SFXN5: variants seen among roughly 807,000 people sequenced by gnomAD.
SFXN5 encodes the protein sideroflexin-5.
SFXN5 carries 43 observed loss-of-function variants against 50.2 expected under a neutral mutation model. The observed-to-expected ratio is 0.86, with a 90% CI of 0.67 to 1.11. The LOEUF (loss-of-function observed/expected upper bound fraction) is 1.11. SFXN5 is among the 50% of genes least tolerant of loss of function. The probability of loss-of-function intolerance (pLI) is 0.00; values close to 1 mark genes in which losing one functional copy is unlikely to be tolerated. For synonymous variants in SFXN5, 203 were observed against 185.8 expected, an observed-to-expected ratio of 1.09 and a Z score of -0.75; for missense variants, 463 against 454.1, an observed-to-expected ratio of 1.02 and a Z score of -0.18.
At chr2:73,049,063 T>C (rs1051834890) in intron 2 of SFXN5, 1 of 152,246 alleles carries the variant, frequency 6.6e-6, no homozygotes, top group Non-Finnish European at 1.5e-5. Context: ...AGTATTACTA[T>C]GTTATCTTAC....
intron 5 of SFXN5, among the ~76,000 whole-genome samples, 162 bp downstream of exon 5, chr2:73,022,360 G>A (rs759012537): frequency 9.2e-5 from 14 of 152,160 alleles, no homozygotes; most frequent in African/African-American, 2.2e-4. Flanking sequence ...CCTGGCCAGC[G>A]CCTTGTACAG....
At chr2:73,032,014 C>T (rs1678366461) in intron 3 of SFXN5, among the ~76,000 whole-genome samples, 2 of 152,160 alleles carry the variant, frequency 1.3e-5, no homozygotes, top group South Asian at 4.1e-4. Flanking sequence ...AGGCTTTTCC[C>T]TAGGACCTGC....
intron 11 of SFXN5, 26 bp downstream of exon 11, chr2:72,971,544 C>T: frequency 6.3e-7 from 1 of 1,584,988 alleles, no homozygotes; most frequent in Non-Finnish European, 8.7e-7. Flanking sequence ...GCTGGCCTCC[C>T]CAACCCTGCG....
At chr2:73,039,025 CA>C (rs1679287798) in intron 3 of SFXN5, among the ~76,000 whole-genome samples, 1 of 152,150 alleles carries the variant, frequency 6.6e-6, no homozygotes, top group Non-Finnish European at 1.5e-5. Flanking sequence ...CTCCTAGGTT[CA>C]AGTGATTCCC....
In SFXN5 at chr2:72,950,177, G is replaced by A. The variant is rs1322876576; in HGVS notation, c.946-5078C>T. On this transcript the variant is annotated intron_variant, in intron 13 of 13. Coordinates refer to ENST00000272433, the MANE Select transcript of SFXN5 (RefSeq NM_144579.3). This position sits in a 1 kb window ranked among gnomAD's most constrained non-coding sequence, Gnocchi z 4.2. ...TTTGAAGGGCAAGCGGAGGGAACAA[G>A]CCTGTGATGGTGGCCTTGGGGGACC... 6.6e-6 allele frequency among the ~76,000 whole-genome samples: 1 copy of A among 152,188 alleles called. No individual in the cohort carries two copies. Among genetic ancestry groups the A allele is most frequent in the African/African-American group, 2.4e-5 (1 of 41,426 alleles).
rs200216307 is a variant in SFXN5 at position 73,040,465 on chromosome 2, T to C, written c.249+389A>G. Among the ~76,000 whole-genome samples the C allele has an allele frequency of 1.7e-4, 26 of 152,362 alleles. No homozygotes were observed. In the East Asian group the frequency reaches 3.5e-3, roughly 20 times the overall value. On this transcript the variant is annotated intron_variant, in intron 3 of 13. Transcript: ENST00000272433. The stretch of plus-strand genomic sequence containing the variant: ...ATGCTGGTAAACGTTTAATAACCTG[T>C]TCTCTGGAGAAAAAGTCCTGATTTG...
intron 3 of SFXN5, 107 bp downstream of exon 3, chr2:73,040,747 G>A: frequency 8.5e-6 from 7 of 822,960 alleles, no homozygotes; most frequent in Non-Finnish European, 1.1e-5. Context: ...ACCAGCAGAA[G>A]TATATGCTGG....
intron 12 of SFXN5, among the ~76,000 whole-genome samples, chr2:72,965,637 G>C (rs1376353065): frequency 6.6e-6 from 1 of 152,176 alleles, no homozygotes; most frequent in African/African-American, 2.4e-5. Flanking sequence ...CTAGAGGTTT[G>C]AGCGGCAGAG....
intron 2 of SFXN5, among the ~76,000 whole-genome samples, chr2:73,052,034 T>C (rs1049401237): frequency 3.9e-5 from 6 of 152,164 alleles, no homozygotes; most frequent in African/African-American, 1.4e-4. Flanking sequence ...TTTAATTTAA[T>C]GTGTTACAAT....
At chr2:72,967,734 GC>G (rs745849145) in intron 12 of SFXN5, among the ~76,000 whole-genome samples, 28 of 152,002 alleles carry the variant, frequency 1.8e-4, no homozygotes, top group African/African-American at 4.1e-4. Context: ...GTAACTCCAG[GC>G]CCCCTCCACC....
chr2:73,058,543 T>G lies in SFXN5; in HGVS notation c.156A>C (p.Thr52=), dbSNP rs767878743. The change falls in exon 2 of 14, where the codon ACA becomes ACC. Residue 52 remains threonine (T), a synonymous_variant. Transcript: ENST00000272433. ...CATGACTTACCTCAGTGACAAAGAGTGTGCGAGGGTCGATGATATCCAAGA... is the reference window on the plus strand; with the variant it reads ...CATGACTTACCTCAGTGACAAAGAGGGTGCGAGGGTCGATGATATCCAAGA... The part of the protein sequence containing the change: ...RHFLDIIDPR[T]LFVTERRLRE... 24 of 1,613,282 alleles carry G rather than the reference T, an allele frequency of 1.5e-5. No individual in the cohort carries two copies. The highest frequency in any genetic ancestry group is 2.0e-5 in the Non-Finnish European group (24 of 1,179,828).
At position 72,968,532 on chromosome 2, in the gene SFXN5, G is replaced by C. The variant is rs267599445; in HGVS notation, c.743C>G (p.Ala248Gly). Reference protein sequence around the residue: ...VGSSKIAARHALLETALTRVV... With the variant: ...VGSSKIAARHGLLETALTRVV... ...TCGCGTCAGCGCCGTCTCCAGCAGG[G>C]CCTGAGGGGCAGGCAGAAGCTGTGT... Residue 248 changes from alanine to glycine, a missense_variant and splice_region_variant, in exon 12 of 14, where the codon GCC (alanine) becomes GGC (glycine). Transcript: ENST00000272433. The C allele has an allele frequency of 6.2e-7, 1 of 1,613,260 alleles. No individual in the cohort carries two copies. The highest frequency in any genetic ancestry group is 8.5e-7 in the Non-Finnish European group (1 of 1,179,944).
At chr2:72,964,985 C>T (rs1013810715) in intron 12 of SFXN5, among the ~76,000 whole-genome samples, 2 of 152,210 alleles carry the variant, frequency 1.3e-5, no homozygotes, top group African/African-American at 4.8e-5. Flanking sequence ...CCTGTGCCCA[C>T]GGACCTAAGT....
chr2:73,026,062 G>A (rs1212209319), intron 3 of SFXN5, among the ~76,000 whole-genome samples: 2 of 151,972 alleles, frequency 1.3e-5, no homozygotes, highest in Non-Finnish European at 2.9e-5. Context: ...TGGATTCGTG[G>A]ACAGGCCATC....
chr2:72,998,953 A>G lies in SFXN5; in HGVS notation c.530T>C (p.Ile177Thr). 1 of 1,614,038 alleles carries G rather than the reference A, an allele frequency of 6.2e-7. No individual in the cohort carries two copies. Among genetic ancestry groups the G allele is most frequent in the Non-Finnish European group, 8.5e-7 (1 of 1,179,966 alleles). The change falls in exon 9 of 14, where the codon ATT (isoleucine) becomes ACT (threonine). Residue 177 changes from isoleucine (I) to threonine (T), a missense_variant. Ile to Thr is a moderately conservative substitution (Grantham distance 89). Transcript: ENST00000272433. ...AGCAGGGGAGGGAGTACTCACAGCA[A>G]TGGAGACGGCGCTGATGACAGCTCC... ...YLGAVISAVS[I>T]AVGLNVLVQK...
chr2:72,989,026 C>T (rs17570040), intron 9 of SFXN5, among the ~76,000 whole-genome samples: 9,429 of 152,256 alleles, frequency 0.062, 370 homozygotes, highest in East Asian at 0.17. Context: ...TTTCATCTTT[C>T]GAGAGCACAG....
At chr2:72,964,303 TG>T (rs111483445) in intron 12 of SFXN5, among the ~76,000 whole-genome samples, 1,761 of 152,332 alleles carry the variant, frequency 0.012, 30 homozygotes, top group African/African-American at 0.039. Flanking sequence ...TCCCCAAGGG[TG>T]GGGGCTGCCT....
Position 72,960,852 on chromosome 2 carries a change from T to G in SFXN5, c.945+279A>C, listed in dbSNP as rs951203112. Among the ~76,000 whole-genome samples the G allele has an allele frequency of 2.0e-5, 3 of 152,152 alleles. No individual in the cohort carries two copies. Among genetic ancestry groups the G allele is most frequent in the Non-Finnish European group, 4.4e-5 (3 of 68,014 alleles). On this transcript the variant is annotated intron_variant, in intron 13 of 13. Coordinates refer to ENST00000272433, the MANE Select transcript of SFXN5 (RefSeq NM_144579.3). The surrounding 1 kb of genome is among the most constrained non-coding windows in gnomAD (Gnocchi z 6.1). ...GCTCCCAGTCCCAGTGAAATGTCACTTCCCTCTAGGCTCAGTTTGGTCTGC... is the reference window on the plus strand; with the variant it reads ...GCTCCCAGTCCCAGTGAAATGTCACGTCCCTCTAGGCTCAGTTTGGTCTGC...
At chr2:73,060,203 T>C (rs1682638817) in intron 1 of SFXN5, among the ~76,000 whole-genome samples, 1 of 151,922 alleles carries the variant, frequency 6.6e-6, no homozygotes, top group Non-Finnish European at 1.5e-5. Context: ...GGGTACAAGA[T>C]GAAACTGGTA....
Sources: allele counts gnomAD v4.1 joint callset (sites outside exome capture counted in the v4.1 genomes callset), GRCh38; gene constraint gnomAD v4.1.1; non-coding constraint Gnocchi (gnomAD v3.1); transcripts MANE v1.5; gene names NCBI Gene and HGNC (gene_info 2026-07-23, HGNC 2026-07-21).